The following TRIM3 variants were observed in gnomAD, a reference collection of about 807,000 sequenced individuals.
TRIM3 encodes the protein tripartite motif containing 3.
In TRIM3, 13 loss-of-function variants were observed where a neutral mutation model predicts 66.6. The ratio of observed to expected loss-of-function variants is 0.20; its 90% CI spans 0.13 to 0.31. The LOEUF (loss-of-function observed/expected upper bound fraction) is 0.31. Among genes scored for constraint, TRIM3 ranks in the 10% least tolerant of loss-of-function variants. The pLI is 1.00. For missense variants in TRIM3, 711 were observed against 1,020.4 expected, an observed-to-expected ratio of 0.70 and a Z score of 4.13; for synonymous variants, 406 against 411.7, an observed-to-expected ratio of 0.99 and a Z score of 0.17.
At chr11:6,463,206 A>AAAAAAC (rs1309788179) in intron 2 of TRIM3, among the ~76,000 whole-genome samples, 3 of 152,236 alleles carry the variant, frequency 2.0e-5, no homozygotes, top group South Asian at 4.1e-4. Context: ...CTCTGTCTCA[A>AAAAAAC]AAAAACAAAA....
At chr11:6,455,036 G>C (rs1201868389) in intron 7 of TRIM3, among the ~76,000 whole-genome samples, 1 of 152,086 alleles carries the variant, frequency 6.6e-6, no homozygotes, top group Non-Finnish European at 1.5e-5. Flanking sequence ...TCTGACCTCA[G>C]CTACCCCTGG....
In TRIM3 at chr11:6,473,857, T is replaced by C. The variant is rs899979399; in HGVS notation, c.-104A>G. 6.6e-6 allele frequency: 1 copy of C among 152,196 alleles called. No homozygotes were observed. The highest frequency in any genetic ancestry group is 1.5e-5 in the Non-Finnish European group (1 of 68,008). The allele number at this position is 152,196 out of a possible 1,614,324, so 9.4% of individuals were successfully genotyped here. A position where few individuals can be genotyped will look rare whatever the true frequency, so the allele number is the denominator to read the frequency against. On this transcript the variant is annotated 5_prime_UTR_variant, in exon 1 of 12. Transcript: ENST00000345851. The stretch of plus-strand genomic sequence containing the variant: ...CACTCTGAAGGGCCCGCGGCGCTGC[T>C]ACTGCTGCCAGCGCCCGTCCGCCCG...
chr11:6,451,145 C>G, intron 8 of TRIM3, 85 bp from the exon 9 acceptor site: 1 of 1,592,822 alleles, frequency 6.3e-7, no homozygotes, highest in Non-Finnish European at 8.6e-7. Context: ...GAATCTTGGG[C>G]TGGGGAAAGA....
In TRIM3 at chr11:6,458,533, A is replaced by C. The variant is rs1850092085; in HGVS notation, c.132-237T>G. Among the ~76,000 whole-genome samples, 1 of 152,170 alleles carries C rather than the reference A, an allele frequency of 6.6e-6. No individual in the cohort carries two copies. Among genetic ancestry groups the C allele is most frequent in the Non-Finnish European group, 1.5e-5 (1 of 68,024 alleles). On this transcript the variant is annotated intron_variant, in intron 2 of 11. Coordinates refer to ENST00000345851, the MANE Select transcript of TRIM3 (RefSeq NM_033278.4). This position sits in a 1 kb window ranked among gnomAD's most constrained non-coding sequence, Gnocchi z 6.2. ...AGAGCAGACTATCCACATTCCTCAC[A>C]GTGTGCACACAGGCTCACCTTTCAC... is the stretch of plus-strand genomic sequence containing the variant.
At chr11:6,460,139 G>C (rs1397499041) in intron 2 of TRIM3, among the ~76,000 whole-genome samples, 4 of 152,240 alleles carry the variant, frequency 2.6e-5, no homozygotes, top group Admixed American at 2.6e-4. Context: ...AAACTGAGTG[G>C]TACATTTCCA....
Position 6,458,135 on chromosome 11 carries a change from T to C in TRIM3, c.293A>G (p.Asp98Gly). 6.2e-7 allele frequency: 1 copy of C among 1,613,796 alleles called. No homozygotes were observed. The highest frequency in any genetic ancestry group is 1.7e-5 in the Admixed American group (1 of 60,012). The change falls in exon 3 of 12, where the codon GAC becomes GGC. Residue 98 changes from aspartate (D) to glycine (G), a missense_variant. By Grantham distance (94) the Asp-to-Gly change is moderately conservative (BLOSUM62 -1). Transcript: ENST00000345851. The surrounding 1 kb of genome is among the most constrained non-coding windows in gnomAD (Gnocchi z 6.2). ...AMQQAPDGAH[D>G]PEDPHPLSVV... ...ACTGAGGGGGTGGGGGTCCTCCGGG[T>C]CGTGGGCCCCATCAGGTGCCTGCTG...
At position 6,461,152 on chromosome 11, in the gene TRIM3, C is replaced by T. The variant is rs929901629; in HGVS notation, c.132-2856G>A. On this transcript the variant is annotated intron_variant, in intron 2 of 11. Transcript: ENST00000345851. The stretch of plus-strand genomic sequence containing the variant: ...AACTCCTGACCTCAGGTGATCTGCC[C>T]GTCTCGGCCTCCCAAAGTGCTGGGA... Among the ~76,000 whole-genome samples the T allele has an allele frequency of 7.9e-5, 12 of 151,966 alleles. No individual in the cohort carries two copies. The East Asian group carries it at 1.9e-3, about 24-fold the overall frequency.
chr11:6,463,004 A>G (rs1053953564), intron 2 of TRIM3, among the ~76,000 whole-genome samples: 4 of 152,152 alleles, frequency 2.6e-5, no homozygotes, highest in African/African-American at 9.7e-5. Context: ...CAGGAGTTCG[A>G]GACCAGCCTG....
Position 6,457,127 on chromosome 11 carries a change from G to A in TRIM3, c.697-98C>T, listed in dbSNP as rs767884063. The A allele has an allele frequency of 2.2e-5, 33 of 1,528,228 alleles. No homozygotes were observed. Among genetic ancestry groups the A allele is most frequent in the African/African-American group, 4.1e-5 (3 of 73,448 alleles). The allele number at this position is 1,528,228 out of a possible 1,614,324, so 94.7% of individuals were successfully genotyped here. A position where few individuals can be genotyped will look rare whatever the true frequency, so the allele number is the denominator to read the frequency against. ...GCACTGTGGCATAAAATACAAGAGG[G>A]TGCCTGTGGACAGAGGACACAGATG... On this transcript the variant is annotated intron_variant, in intron 5 of 11. Transcript: ENST00000345851. The surrounding 1 kb of genome is among the most constrained non-coding windows in gnomAD (Gnocchi z 4.5).
chr11:6,463,064 A>C (rs1850312522), intron 2 of TRIM3, among the ~76,000 whole-genome samples: 1 of 146,374 alleles, frequency 6.8e-6, no homozygotes, highest in South Asian at 2.2e-4. Context: ...AATTAACCGG[A>C]TGTGGTGGCG....
chr11:6,463,920 GTGGAGC>G (rs1396084205), intron 2 of TRIM3, among the ~76,000 whole-genome samples: 2 of 152,214 alleles, frequency 1.3e-5, no homozygotes, highest in African/African-American at 4.8e-5. Context: ...AGAGTGGGCA[GTGGAGC>G]TGGAATCTCA....
chr11:6,465,011 AG>A (rs1850395955), intron 2 of TRIM3, among the ~76,000 whole-genome samples: 1 of 150,130 alleles, frequency 6.7e-6, no homozygotes, highest in African/African-American at 2.5e-5. Context: ...AAAAAAAAAA[AG>A]AGTAAGGATC....
chr11:6,458,448 G>T lies in TRIM3; in HGVS notation c.132-152C>A. 1.5e-6 allele frequency: 1 copy of T among 659,630 alleles called. No individual in the cohort carries two copies. The highest frequency in any genetic ancestry group is 2.6e-6 in the Non-Finnish European group (1 of 381,870). 40.9% of individuals were successfully genotyped at this position (659,630 alleles called of 1,614,324 possible). ...TCTGCTTGACACATCTCATCTGCCA[G>T]CAGGTATAATGGCCTTGCCCCTTAC... On this transcript the variant is annotated intron_variant, in intron 2 of 11. Coordinates refer to ENST00000345851, the MANE Select transcript of TRIM3 (RefSeq NM_033278.4). This position sits in a 1 kb window ranked among gnomAD's most constrained non-coding sequence, Gnocchi z 6.2.
chr11:6,449,115 T>C lies in TRIM3; in HGVS notation c.2148A>G (p.Pro716=). The C allele has an allele frequency of 6.2e-7, 1 of 1,614,172 alleles. No individual in the cohort carries two copies. Among genetic ancestry groups the C allele is most frequent in the East Asian group, 2.2e-5 (1 of 44,880 alleles). Residue 716 remains proline (P), a synonymous_variant, in exon 12 of 12, where the codon CCA becomes CCG. Coordinates refer to ENST00000345851, the MANE Select transcript of TRIM3 (RefSeq NM_033278.4). The surrounding 1 kb of genome is among the most constrained non-coding windows in gnomAD (Gnocchi z 5.3). ...INTSAEPLYG[P]QGLALTSDGH... is the part of the protein sequence containing the mutation. ...CATCCGAGGTCAGTGCCAGGCCCTG[T>C]GGACCATACAGTGGTTCTGCAGATG... is the stretch of plus-strand genomic sequence containing the variant.
chr11:6,457,910 C>T lies in TRIM3; in HGVS notation c.364-63G>A. The T allele has an allele frequency of 6.3e-7, 1 of 1,592,578 alleles. No homozygotes were observed. Among genetic ancestry groups the T allele is most frequent in the South Asian group, 1.1e-5 (1 of 87,710 alleles). On this transcript the variant is annotated intron_variant, in intron 3 of 11. Transcript: ENST00000345851. This position sits in a 1 kb window ranked among gnomAD's most constrained non-coding sequence, Gnocchi z 4.5. ...ATCACACTTCTTTGTCCCCTCCCCA[C>T]CTGCCCTCCCTGCCCCTCACCTTCT...
rs1850095754 is a variant in TRIM3, at chr11:6,458,645, T to C, written c.132-349A>G. 6.6e-6 allele frequency among the ~76,000 whole-genome samples: 1 copy of C among 152,202 alleles called. No individual in the cohort carries two copies. Among genetic ancestry groups the C allele is most frequent in the Non-Finnish European group, 1.5e-5 (1 of 68,050 alleles). On this transcript the variant is annotated intron_variant, in intron 2 of 11. Coordinates refer to ENST00000345851, the MANE Select transcript of TRIM3 (RefSeq NM_033278.4). This position sits in a 1 kb window ranked among gnomAD's most constrained non-coding sequence, Gnocchi z 6.2. Reference sequence around the variant, plus strand: ...AACTCATTAACACTACTGTCTACTCTTGCCAAATTTATGCCAAGCCCTGGG... The same window carrying C: ...AACTCATTAACACTACTGTCTACTCCTGCCAAATTTATGCCAAGCCCTGGG...
intron 1 of TRIM3, among the ~76,000 whole-genome samples, chr11:6,469,344 C>T (rs1850591468): frequency 6.6e-6 from 1 of 152,210 alleles, no homozygotes; most frequent in African/African-American, 2.4e-5. Flanking sequence ...TTCAGTTCCC[C>T]TCCCAGACTT....
intron 1 of TRIM3, among the ~76,000 whole-genome samples, chr11:6,473,477 GCAC>G (rs979013635): frequency 1.4e-4 from 21 of 151,576 alleles, no homozygotes; most frequent in Non-Finnish European, 3.1e-4. Flanking sequence ...CACTCAGCAC[GCAC>G]CACCACCACC....
At position 6,456,258 on chromosome 11, in the gene TRIM3, G is replaced by T; in HGVS notation, c.1429+39C>A. On this transcript the variant is annotated intron_variant, in intron 6 of 11. Transcript: ENST00000345851. The surrounding 1 kb of genome is among the most constrained non-coding windows in gnomAD (Gnocchi z 6.4). ...TCCCTTCCCTCCCCACCCACTACCT[G>T]AGCCTGGCCCATCTGGCTCTGCCCT... 6.3e-7 allele frequency: 1 copy of T among 1,590,682 alleles called. No individual in the cohort carries two copies.
Sources: allele counts gnomAD v4.1 joint callset (sites outside exome capture counted in the v4.1 genomes callset), GRCh38; gene constraint gnomAD v4.1.1; non-coding constraint Gnocchi (gnomAD v3.1); transcripts MANE v1.5; gene names NCBI Gene and HGNC (gene_info 2026-07-23, HGNC 2026-07-21).